The following MROH9 variants were observed in gnomAD, a reference collection of about 807,000 sequenced individuals.
The protein encoded by MROH9 is maestro heat like repeat family member 9, also known as maestro heat-like repeat-containing protein family member 9.
MROH9 carries 92 observed loss-of-function variants against 98.2 expected under a neutral mutation model. The ratio of observed to expected loss-of-function variants is 0.94; its 90% CI spans 0.79 to 1.11. MROH9 has a LOEUF of 1.11. MROH9 is among the 50% of genes most tolerant of loss of function. The pLI is 0.00. For missense variants in MROH9, 1,057 were observed against 1,014.8 expected, an observed-to-expected ratio of 1.04 and a Z score of -0.57; for synonymous variants, 397 against 368.9, an observed-to-expected ratio of 1.08 and a Z score of -0.87.
rs1230022967 is a variant in MROH9 at position 171,016,150 on chromosome 1, C to T, written c.1735-13C>T. The stretch of plus-strand genomic sequence containing the variant: ...AGTTCCTAAATCCCACCATTTTTTC[C>T]TTTTATATGTAGACAGAAAATGTCA... On this transcript the variant is annotated splice_polypyrimidine_tract_variant and intron_variant, in intron 16 of 21. Transcript: ENST00000367759. The T allele has an allele frequency of 1.4e-5, 20 of 1,416,930 alleles. No homozygotes were observed. The Admixed American group carries it at 2.4e-4, about 17-fold the overall frequency. The allele number at this position is 1,416,930 out of a possible 1,614,324, so 87.8% of individuals were successfully genotyped here.
intron 14 of MROH9, 99 bp downstream of exon 14, chr1:170,996,743 A>G (rs1429168067): frequency 1.7e-6 from 2 of 1,149,010 alleles, no homozygotes; most frequent in African/African-American, 3.1e-5. Context: ...CATCTATTCC[A>G]ATTTCCAAAT....
chr1:171,017,790 C>T (rs146398829), intron 17 of MROH9, among the ~76,000 whole-genome samples: 13 of 152,256 alleles, frequency 8.5e-5, no homozygotes, highest in Admixed American at 2.0e-4. Context: ...AGACTGTTGA[C>T]GAGTGCCTCT....
rs1312878321 is a variant in MROH9 at position 170,979,415 on chromosome 1, A to G, written c.617-4007A>G. On this transcript the variant is annotated intron_variant, in intron 8 of 21. Coordinates refer to ENST00000367759, the MANE Select transcript of MROH9 (RefSeq NM_001163629.2). ...GATTTTTTATGAAGTTTCAAAGGCA[A>G]TTTAAAGGAGTGAGCAAAAACTTTT... Among the ~76,000 whole-genome samples, 3 of 152,212 alleles carry G rather than the reference A, an allele frequency of 2.0e-5. No homozygotes were observed. In the South Asian group the frequency reaches 6.2e-4, roughly 32 times the overall value.
rs1224121398 is a variant in MROH9 at position 170,992,181 on chromosome 1, G to A, written c.1046G>A (p.Trp349Ter). ...GTTTGCAGCACTCTGATACAGATGTGGAAGGCGGCATGTTCTCAGGCGAGC... is the reference window on the plus strand; with the variant it reads ...GTTTGCAGCACTCTGATACAGATGTAGAAGGCGGCATGTTCTCAGGCGAGC... Reference protein sequence around the residue: ...VPADDTLIQMWKAACSQASVA... With the variant: ...VPADDTLIQM The change falls in exon 12 of 22, where the codon TGG becomes TAG. Residue 349 changes from tryptophan (W) to a stop codon, truncating the protein, a stop_gained. Coordinates refer to ENST00000367759, the MANE Select transcript of MROH9 (RefSeq NM_001163629.2). LOFTEE classifies it high-confidence loss of function. 1.2e-5 allele frequency: 20 copies of A among 1,611,480 alleles called. No homozygotes were observed. Among genetic ancestry groups the A allele is most frequent in the Non-Finnish European group, 1.7e-5 (20 of 1,178,904 alleles).
chr1:170,986,495 T>G, intron 9 of MROH9, 66 bp from the exon 10 acceptor site: 8 of 1,524,050 alleles, frequency 5.2e-6, no homozygotes, highest in African/African-American at 1.4e-5. Flanking sequence ...CCACCATGTC[T>G]GAGTTTAGCT....
intron 3 of MROH9, among the ~76,000 whole-genome samples, chr1:170,953,708 G>A (rs1170673097): frequency 6.9e-6 from 1 of 144,026 alleles, no homozygotes. Flanking sequence ...ATTTTTAAAA[G>A]CCATGCAATG....
At chr1:171,054,590 A>G (rs1448945797) in intron 20 of MROH9, among the ~76,000 whole-genome samples, 1 of 152,218 alleles carries the variant, frequency 6.6e-6, no homozygotes, top group Non-Finnish European at 1.5e-5. Context: ...TAAAGCAACA[A>G]CCACAGAGTG....
chr1:170,997,856 C>T (rs142668951), intron 14 of MROH9, among the ~76,000 whole-genome samples: 62 of 152,258 alleles, frequency 4.1e-4, no homozygotes, highest in Non-Finnish European at 7.1e-4. Flanking sequence ...ATTTCCTCTC[C>T]CTTTAGTCAA....
At chr1:170,983,035 A>T (rs1472829447) in intron 8 of MROH9, among the ~76,000 whole-genome samples, 1 of 152,212 alleles carries the variant, frequency 6.6e-6, no homozygotes, top group Non-Finnish European at 1.5e-5. Context: ...TTTGCTGAGC[A>T]CTTCTGGATT....
At chr1:171,021,189 G>T (rs1436995920) in intron 17 of MROH9, among the ~76,000 whole-genome samples, 1 of 152,044 alleles carries the variant, frequency 6.6e-6, no homozygotes, top group African/African-American at 2.4e-5. Context: ...TACTGCCCAA[G>T]TAATTTATAG....
At chr1:171,034,607 A>T (rs914730709) in intron 20 of MROH9, among the ~76,000 whole-genome samples, 4 of 152,216 alleles carry the variant, frequency 2.6e-5, no homozygotes, top group Non-Finnish European at 5.9e-5. Flanking sequence ...TGCTTGTCCC[A>T]TCTAGAATCC....
At chr1:171,047,883 C>A (rs1653515298) in intron 20 of MROH9, among the ~76,000 whole-genome samples, 1 of 152,204 alleles carries the variant, frequency 6.6e-6, no homozygotes, top group South Asian at 2.1e-4. Context: ...AGCCAAGTAA[C>A]ACTGTGGTTC....
rs188972604 is a variant in MROH9 at position 171,031,850 on chromosome 1, C to T, written c.2281+6430C>T. Reference sequence around the variant, plus strand: ...TCTTGCTAGGTTGGGAAAGTCCTCCCGGATAATATCCTGAAGTGTGTTTTC... The same window carrying T: ...TCTTGCTAGGTTGGGAAAGTCCTCCTGGATAATATCCTGAAGTGTGTTTTC... On this transcript the variant is annotated intron_variant, in intron 20 of 21. Transcript: ENST00000367759. 6.2e-4 allele frequency among the ~76,000 whole-genome samples: 95 copies of T among 152,236 alleles called. 1 individual carries two copies. The highest frequency in any genetic ancestry group is 2.1e-3 in the African/African-American group (87 of 41,550).
At chr1:171,057,384 T>C (rs540200801) in intron 20 of MROH9, among the ~76,000 whole-genome samples, 1 of 152,216 alleles carries the variant, frequency 6.6e-6, no homozygotes, top group South Asian at 2.1e-4. Flanking sequence ...AAGACCACTT[T>C]ATTGAAATAA....
intron 15 of MROH9, among the ~76,000 whole-genome samples, chr1:171,000,466 C>G (rs746214356): frequency 6.6e-6 from 1 of 151,904 alleles, no homozygotes; most frequent in Non-Finnish European, 1.5e-5. Context: ...TGGACTTTGT[C>G]GAATGCTTTT....
chr1:170,956,595 G>GTTTTTTTTTTTTTTTTTT (rs5778690), intron 3 of MROH9, among the ~76,000 whole-genome samples: 1 of 104,606 alleles, frequency 9.6e-6, no homozygotes, highest in African/African-American at 3.8e-5. Context: ...TTTTTTTTTT[G>GTTTTTTTTTTTTTTTTTT]TTTTTTTTTT....
intron 3 of MROH9, among the ~76,000 whole-genome samples, chr1:170,949,677 G>A (rs557403242): frequency 7.6e-4 from 116 of 152,164 alleles, no homozygotes; most frequent in African/African-American, 2.8e-3. Flanking sequence ...GGATCTTCCA[G>A]AACATGTAGC....
chr1:170,989,792 C>T, intron 10 of MROH9, 63 bp from the exon 11 acceptor site: 2 of 1,426,188 alleles, frequency 1.4e-6, no homozygotes, highest in Non-Finnish European at 1.9e-6. Context: ...CCAAGAAATG[C>T]CTTGGTTTAG....
At chr1:170,962,467 T>A (rs1398753605) in intron 6 of MROH9, among the ~76,000 whole-genome samples, 1 of 152,130 alleles carries the variant, frequency 6.6e-6, no homozygotes, top group African/African-American at 2.4e-5. Context: ...CCTCACTTCA[T>A]TTTTTAATGT....
Sources: allele counts gnomAD v4.1 joint callset (sites outside exome capture counted in the v4.1 genomes callset), GRCh38; gene constraint gnomAD v4.1.1; transcripts MANE v1.5; gene names NCBI Gene and HGNC (gene_info 2026-07-23, HGNC 2026-07-21).